The following PITPNM2 variants were observed in gnomAD, a reference collection of about 807,000 sequenced individuals.
PITPNM2 encodes the protein phosphatidylinositol transfer protein membrane associated 2.
In PITPNM2, 35 loss-of-function variants were observed where a neutral mutation model predicts 132.2. The observed-to-expected ratio is 0.26, with a 90% CI of 0.20 to 0.35. The LOEUF is 0.35. Among genes scored for constraint, PITPNM2 ranks in the 10% least tolerant of loss-of-function variants. PITPNM2 has a pLI of 1.00. For missense variants in PITPNM2, 1,332 were observed against 1,912.0 expected, an observed-to-expected ratio of 0.70 and a Z score of 5.66; for synonymous variants, 738 against 799.2, an observed-to-expected ratio of 0.92 and a Z score of 1.29.
chr12:123,120,862 C>A (rs1054216038), intron 1 of PITPNM2, among the ~76,000 whole-genome samples: 3 of 152,190 alleles, frequency 2.0e-5, no homozygotes, highest in Non-Finnish European at 4.4e-5. Context: ...GTTATCTGAG[C>A]CCCTGGGGAA....
intron 2 of PITPNM2, among the ~76,000 whole-genome samples, chr12:123,049,860 C>T (rs2040800429): frequency 1.3e-5 from 2 of 152,228 alleles, no homozygotes; most frequent in African/African-American, 4.8e-5. Context: ...GCAGCCAGGG[C>T]CTGGCACTTA....
chr12:123,028,235 T>G (rs553642998), intron 3 of PITPNM2, among the ~76,000 whole-genome samples: 1 of 152,274 alleles, frequency 6.6e-6, no homozygotes, highest in South Asian at 2.1e-4. Flanking sequence ...GCAGACGATT[T>G]TGTTTTCTCA....
intron 1 of PITPNM2, among the ~76,000 whole-genome samples, chr12:123,140,165 C>T (rs2043473467): frequency 6.6e-6 from 1 of 152,168 alleles, no homozygotes; most frequent in South Asian, 2.1e-4. Flanking sequence ...CCCCCTTAGG[C>T]CCCCGGGGAA....
intron 3 of PITPNM2, among the ~76,000 whole-genome samples, chr12:123,028,850 C>T (rs757275706): frequency 3.9e-5 from 6 of 152,132 alleles, no homozygotes. Flanking sequence ...AGGAAGCTGC[C>T]TGGAAGAGGG....
chr12:123,018,005 TTCC>T (rs2039497983), intron 3 of PITPNM2, among the ~76,000 whole-genome samples: 1 of 135,582 alleles, frequency 7.4e-6, no homozygotes, highest in East Asian at 2.2e-4. Context: ...CCTTCCTTCC[TTCC>T]TTCCTTCCTT....
Position 122,994,319 on chromosome 12 carries a change from G to A in PITPNM2, c.2233+482C>T, listed in dbSNP as rs941376620. On this transcript the variant is annotated intron_variant, in intron 15 of 25. Transcript: ENST00000320201. The surrounding 1 kb of genome is among the most constrained non-coding windows in gnomAD (Gnocchi z 5.4). ...CTTTGCAGGCTGATCCCAGGGCACA[G>A]GGCAGGGACTGCTGCTCCAATGACG... Among the ~76,000 whole-genome samples the A allele has an allele frequency of 1.3e-5, 2 of 152,164 alleles. No homozygotes were observed. The highest frequency in any genetic ancestry group is 6.5e-5 in the Admixed American group (1 of 15,280).
At chr12:123,032,816 C>T (rs767499170) in intron 3 of PITPNM2, among the ~76,000 whole-genome samples, 2 of 152,202 alleles carry the variant, frequency 1.3e-5, no homozygotes, top group Non-Finnish European at 2.9e-5. Context: ...AAATAATTAT[C>T]GGGTAAGTGG....
In PITPNM2 at chr12:123,071,841, A is replaced by G. The variant is rs867325335; in HGVS notation, c.-95-37156T>C. ...CTGTGGGTCACACAGCCAGGACTCA[A>G]AACCCGAGCCTATATGACTACCAAG... is the stretch of plus-strand genomic sequence containing the variant. On this transcript the variant is annotated intron_variant, in intron 2 of 25. Coordinates refer to ENST00000320201, the MANE Select transcript of PITPNM2 (RefSeq NM_020845.3). Among the ~76,000 whole-genome samples the G allele has an allele frequency of 6.9e-3, 56 of 8,078 alleles. 3 individuals are homozygous for G. The South Asian group carries it at 0.12, about 17-fold the overall frequency. 5.3% of individuals were successfully genotyped at this position (8,078 alleles called of 152,430 possible).
chr12:123,127,670 C>T (rs577586483), intron 1 of PITPNM2, among the ~76,000 whole-genome samples: 107 of 147,002 alleles, frequency 7.3e-4, no homozygotes, highest in Middle Eastern at 7.8e-3. Flanking sequence ...AGTGCAGTGG[C>T]GTGATCTCGG....
At chr12:123,053,206 A>AT (rs2040918202) in intron 2 of PITPNM2, among the ~76,000 whole-genome samples, 1 of 151,896 alleles carries the variant, frequency 6.6e-6, no homozygotes, top group Non-Finnish European at 1.5e-5. Flanking sequence ...CTCTGAATTT[A>AT]TTTTTCTAGC....
At chr12:123,066,739 A>G (rs2041431177) in intron 2 of PITPNM2, among the ~76,000 whole-genome samples, 1 of 152,160 alleles carries the variant, frequency 6.6e-6, no homozygotes, top group East Asian at 1.9e-4. Context: ...TTTCTCCTCC[A>G]GGACACCTTA....
chr12:122,996,666 C>T (rs775948315), intron 12 of PITPNM2, 55 bp downstream of exon 12: 3 of 1,611,116 alleles, frequency 1.9e-6, no homozygotes, highest in Non-Finnish European at 2.5e-6. Flanking sequence ...CTGAGGCCAG[C>T]CCGCCCTACA....
chr12:123,050,597 G>T (rs2040825841), intron 2 of PITPNM2, among the ~76,000 whole-genome samples: 1 of 152,184 alleles, frequency 6.6e-6, no homozygotes. Context: ...GGACCTAGAG[G>T]ACAACGAAAG....
In PITPNM2 at chr12:123,036,312, A is replaced by C; in HGVS notation, c.-95-1627T>G. On this transcript the variant is annotated intron_variant, in intron 2 of 25. Transcript: ENST00000320201. The surrounding 1 kb of genome is among the most constrained non-coding windows in gnomAD (Gnocchi z 4.1). ...ACTTAGGGAGAAAGACAGAGAGAGG[A>C]AAGGTCTGATAAAGGGGCTCCATCC... 6.6e-6 allele frequency among the ~76,000 whole-genome samples: 1 copy of C among 152,226 alleles called. No homozygotes were observed. The highest frequency in any genetic ancestry group is 6.5e-5 in the Admixed American group (1 of 15,288).
chr12:123,032,866 A>C (rs2040141560), intron 3 of PITPNM2, among the ~76,000 whole-genome samples: 1 of 152,212 alleles, frequency 6.6e-6, no homozygotes, highest in African/African-American at 2.4e-5. Flanking sequence ...AGCAGCTCAG[A>C]GCAAACAGCC....
At position 123,064,491 on chromosome 12, in the gene PITPNM2, T is replaced by C. The variant is rs569339576; in HGVS notation, c.-95-29806A>G. On this transcript the variant is annotated intron_variant, in intron 2 of 25. Transcript: ENST00000320201. This position sits in a 1 kb window ranked among gnomAD's most constrained non-coding sequence, Gnocchi z 4.0. ...GAGGGGAGTAGGGAACCAAGACATC[T>C]TTCAACTGGCCCAAGCCCATCGCGC... Among the ~76,000 whole-genome samples, 10 of 152,310 alleles carry C rather than the reference T, an allele frequency of 6.6e-5. No homozygotes were observed. The highest frequency in any genetic ancestry group is 2.4e-4 in the African/African-American group (10 of 41,572).
chr12:123,100,297 C>G (rs1419415559), intron 2 of PITPNM2, among the ~76,000 whole-genome samples: 1 of 152,210 alleles, frequency 6.6e-6, no homozygotes, highest in East Asian at 1.9e-4. Flanking sequence ...CACTTGTAGG[C>G]ATGTGCACAA....
intron 1 of PITPNM2, among the ~76,000 whole-genome samples, chr12:123,119,504 C>A (rs1284560874): frequency 6.6e-6 from 1 of 151,846 alleles, no homozygotes; most frequent in Non-Finnish European, 1.5e-5. Context: ...ACTACAGGCA[C>A]CCGCCACCAC....
At position 123,117,762 on chromosome 12, in the gene PITPNM2, C is replaced by T. The variant is rs539085526; in HGVS notation, c.-199-7274G>A. On this transcript the variant is annotated intron_variant, in intron 1 of 25. Coordinates refer to ENST00000320201, the MANE Select transcript of PITPNM2 (RefSeq NM_020845.3). The surrounding 1 kb of genome is among the most constrained non-coding windows in gnomAD (Gnocchi z 4.7). ...GATTTGTTCATTCATTGTTCAATAT[C>T]TCACTATGACAGACTCTGGCATGGT... is the stretch of plus-strand genomic sequence containing the variant. 7.7e-4 allele frequency among the ~76,000 whole-genome samples: 118 copies of T among 152,338 alleles called. 1 individual carries two copies. The highest frequency in any genetic ancestry group is 2.8e-3 in the African/African-American group (115 of 41,588).
Sources: allele counts gnomAD v4.1 joint callset (sites outside exome capture counted in the v4.1 genomes callset), GRCh38; gene constraint gnomAD v4.1.1; non-coding constraint Gnocchi (gnomAD v3.1); transcripts MANE v1.5; gene names NCBI Gene and HGNC (gene_info 2026-07-23, HGNC 2026-07-21).